Variants in MID1 observed in about 807,000 individuals in gnomAD.
The protein encoded by MID1 is E3 ubiquitin-protein ligase Midline-1.
Under a neutral mutation model 40.4 loss-of-function variants are expected in MID1, and 7 were observed. That is an observed-to-expected ratio of 0.17 (90% CI 0.10 to 0.33). MID1 has a LOEUF of 0.33. Among genes scored for constraint, MID1 ranks in the 10% least tolerant of loss-of-function variants. The pLI, the probability that MID1 is intolerant of heterozygous loss-of-function variation, is 1.00. For missense variants in MID1, 367 were observed against 558.5 expected, an observed-to-expected ratio of 0.66 and a Z score of 3.46; for synonymous variants, 229 against 221.2, an observed-to-expected ratio of 1.04 and a Z score of -0.31.
chrX:10,506,533 C>T (rs906673026), intron 3 of MID1: 1 of 514,818 alleles, frequency 1.9e-6, no homozygotes. Flanking sequence ...CCATCAGGAG[C>T]TGGTTGAAAG....
chrX:10,771,028 C>T (rs1469623492), intron 1 of MID1, among the ~76,000 whole-genome samples: 1 of 108,510 alleles, frequency 9.2e-6, no homozygotes, highest in African/African-American at 3.4e-5. Flanking sequence ...ATGGCGTGAA[C>T]CCGGGAGGCG....
At chrX:10,580,984 C>G (rs1415872923) in intron 1 of MID1, among the ~76,000 whole-genome samples, 5 of 107,364 alleles carry the variant, frequency 4.7e-5, no homozygotes, top group African/African-American at 1.7e-4. Context: ...CGCAGTGGCT[C>G]ACGCCTGTAA....
chrX:10,477,624 T>C (rs377752560), intron 5 of MID1, among the ~76,000 whole-genome samples: 14 of 112,426 alleles, frequency 1.2e-4, no homozygotes, highest in African/African-American at 3.9e-4. Context: ...TTTGGATAAG[T>C]TGCCAAATCC....
chrX:10,547,930 C>T (rs1351549732), intron 2 of MID1, among the ~76,000 whole-genome samples: 1 of 111,215 alleles, frequency 9.0e-6, no homozygotes, highest in Non-Finnish European at 1.9e-5. Flanking sequence ...ATTAAGGAAA[C>T]CTTAATAATG....
intron 1 of MID1, among the ~76,000 whole-genome samples, chrX:10,767,991 T>C (rs1017730898): frequency 2.7e-5 from 3 of 111,950 alleles, no homozygotes; most frequent in Non-Finnish European, 5.6e-5. Flanking sequence ...ACTTGAATGG[T>C]TAAACAGAAA....
intron 1 of MID1, among the ~76,000 whole-genome samples, chrX:10,593,859 A>C (rs1394992134): frequency 1.8e-5 from 2 of 109,819 alleles, no homozygotes; most frequent in South Asian, 8.0e-4. Context: ...CCCCAAAGCA[A>C]TACTAGGCAA....
At chrX:10,788,646 C>T (rs2043904909) in intron 1 of MID1, among the ~76,000 whole-genome samples, 1 of 110,163 alleles carries the variant, frequency 9.1e-6, no homozygotes, top group Admixed American at 9.6e-5. Context: ...TTCAGCAATA[C>T]CTGGAGACAT....
At chrX:10,472,612 A>C (rs188062638) in intron 6 of MID1, among the ~76,000 whole-genome samples, 103 of 112,479 alleles carry the variant, frequency 9.2e-4, no homozygotes, top group African/African-American at 3.3e-3. Context: ...GATACAGCCC[A>C]CCAGACATAA....
chrX:10,611,202 A>G (rs1935730672), intron 1 of MID1, among the ~76,000 whole-genome samples: 1 of 112,308 alleles, frequency 8.9e-6, no homozygotes, highest in African/African-American at 3.2e-5. Flanking sequence ...GTAGTAAATT[A>G]TACTTGTAAA....
chrX:10,822,404 G>A (rs1447098068), intron 1 of MID1, among the ~76,000 whole-genome samples: 1 of 111,717 alleles, frequency 9.0e-6, no homozygotes, highest in Non-Finnish European at 1.9e-5. Flanking sequence ...GAAAATCTAG[G>A]CAATACCATT....
At position 10,803,352 on chromosome X, in the gene MID1, CT is replaced by C. The variant is rs757624510; in HGVS notation, c.-187+30201del. 9.5e-3 allele frequency among the ~76,000 whole-genome samples: 861 copies of C among 90,625 alleles called. 11 individuals are homozygous for C. The highest frequency in any genetic ancestry group is 0.031 in the African/African-American group (767 of 24,767). The allele number at this position is 90,625 out of a possible 115,157, so 78.7% of individuals were successfully genotyped here. On this transcript the variant is annotated intron_variant, in intron 1 of 10. Transcript: ENST00000380785. Reference sequence around the variant, plus strand: ...TAATAAATAGCTGTTACTATATTTTCTTTTTTTTTTTTTTTTTTGAGACAGA... The same window carrying C: ...TAATAAATAGCTGTTACTATATTTTCTTTTTTTTTTTTTTTTTGAGACAGA...
intron 3 of MID1, among the ~76,000 whole-genome samples, chrX:10,503,313 C>T (rs747961955): frequency 7.2e-5 from 8 of 110,943 alleles, no homozygotes; most frequent in African/African-American, 2.0e-4. Flanking sequence ...ACAATATTAC[C>T]GTAATTCATC....
chrX:10,562,749 T>G lies in MID1; in HGVS notation c.660+4139A>C, dbSNP rs749176794. 1.7e-4 allele frequency among the ~76,000 whole-genome samples: 18 copies of G among 106,650 alleles called. 1 individual carries two copies. Among genetic ancestry groups the G allele is most frequent in the Non-Finnish European group, 2.8e-4 (15 of 52,692 alleles). The allele number at this position is 106,650 out of a possible 115,157, so 92.6% of individuals were successfully genotyped here. A position where few individuals can be genotyped will look rare whatever the true frequency, so the allele number is the denominator to read the frequency against. On this transcript the variant is annotated intron_variant, in intron 2 of 9. Coordinates refer to ENST00000317552, the MANE Select transcript of MID1 (RefSeq NM_000381.4). ...ACATTCAAGGAACAGGTAAAATATT[T>G]TGAGTGATGGGAATATAGTTATTAT... is the stretch of plus-strand genomic sequence containing the variant.
chrX:10,496,988 C>T (rs1365066904), intron 3 of MID1, among the ~76,000 whole-genome samples: 1 of 112,358 alleles, frequency 8.9e-6, no homozygotes, highest in Non-Finnish European at 1.9e-5. Flanking sequence ...AATGCATTGA[C>T]TGAGAAGTAC....
At chrX:10,580,302 G>C (rs553014538) in intron 1 of MID1, among the ~76,000 whole-genome samples, 44 of 105,183 alleles carry the variant, frequency 4.2e-4, no homozygotes, top group African/African-American at 1.5e-3. Context: ...AGCTAACTTA[G>C]TATATAGTCC....
At position 10,449,310 on chromosome X, in the gene MID1, CTAAA is replaced by C; in HGVS notation, c.*54_*57del. Reference sequence around the variant, plus strand: ...ATGAAGCCTGTGCTTTCTCAGTCCCCTAAATAGTGGCCTGAACCTTACTGTTCCC... The same window carrying C: ...ATGAAGCCTGTGCTTTCTCAGTCCCCTAGTGGCCTGAACCTTACTGTTCCC... On this transcript the variant is annotated 3_prime_UTR_variant, in exon 10 of 10. Coordinates refer to ENST00000317552, the MANE Select transcript of MID1 (RefSeq NM_000381.4). 9.7e-7 allele frequency: 1 copy of C among 1,032,861 alleles called. No homozygotes were observed. Among genetic ancestry groups the C allele is most frequent in the Non-Finnish European group, 1.3e-6 (1 of 742,015 alleles). The allele number at this position is 1,032,861 out of a possible 1,213,427, so 85.1% of individuals were successfully genotyped here.
At chrX:10,787,769 T>TC (rs1036326712) in intron 1 of MID1, among the ~76,000 whole-genome samples, 2 of 104,688 alleles carry the variant, frequency 1.9e-5, no homozygotes, top group African/African-American at 3.5e-5. Context: ...AACAGGAATT[T>TC]CCCCCCCTAA....
intron 1 of MID1, among the ~76,000 whole-genome samples, chrX:10,764,028 G>A (rs2043701833): frequency 9.0e-6 from 1 of 111,476 alleles, no homozygotes; most frequent in South Asian, 3.7e-4. Flanking sequence ...TTTTTTTCTT[G>A]TAAACTTGTT....
chrX:10,553,085 T>C (rs992142456), intron 2 of MID1, among the ~76,000 whole-genome samples: 2 of 109,812 alleles, frequency 1.8e-5, no homozygotes, highest in African/African-American at 6.6e-5. Flanking sequence ...CCGTCTCTAC[T>C]AAAAATACAA....
Sources: allele counts gnomAD v4.1 joint callset (sites outside exome capture counted in the v4.1 genomes callset), GRCh38; gene constraint gnomAD v4.1.1; transcripts MANE v1.5; gene names NCBI Gene and HGNC (gene_info 2026-07-23, HGNC 2026-07-21).